The following PDE4B variants were observed in gnomAD, a reference collection of about 807,000 sequenced individuals.
The protein encoded by PDE4B is phosphodiesterase 4B, also known as 3',5'-cyclic-AMP phosphodiesterase 4B.
Under a neutral mutation model 82.2 loss-of-function variants are expected in PDE4B, and 20 were observed. The ratio of observed to expected loss-of-function variants is 0.24; its 90% CI spans 0.17 to 0.35. The LOEUF (loss-of-function observed/expected upper bound fraction) is 0.35, where lower values mean the gene tolerates loss of function less well. Among genes scored for constraint, PDE4B ranks in the 10% least tolerant of loss-of-function variants. The pLI is 1.00. For synonymous variants in PDE4B, 320 were observed against 318.9 expected, an observed-to-expected ratio of 1.00 and a Z score of -0.04; for missense variants, 655 against 907.2, an observed-to-expected ratio of 0.72 and a Z score of 3.57.
At chr1:65,818,023 T>G (rs1185637489) in intron 1 of PDE4B, among the ~76,000 whole-genome samples, 1 of 152,200 alleles carries the variant, frequency 6.6e-6, no homozygotes, top group Admixed American at 6.6e-5. Context: ...CTAAATTCAT[T>G]GCTCAGCTGT....
chr1:66,294,213 A>G (rs1657327962), intron 7 of PDE4B, among the ~76,000 whole-genome samples: 1 of 152,146 alleles, frequency 6.6e-6, no homozygotes, highest in African/African-American at 2.4e-5. Context: ...CTCAATTAAA[A>G]TTAAAAAAAA....
At chr1:66,175,337 C>G (rs971232384) in intron 3 of PDE4B, among the ~76,000 whole-genome samples, 1 of 152,124 alleles carries the variant, frequency 6.6e-6, no homozygotes. Flanking sequence ...CATTAGGTTA[C>G]AGTCCTATGT....
intron 3 of PDE4B, among the ~76,000 whole-genome samples, chr1:65,964,502 T>C (rs1451853332): frequency 6.6e-6 from 1 of 152,186 alleles, no homozygotes; most frequent in Non-Finnish European, 1.5e-5. Flanking sequence ...TGAAAATCAA[T>C]TCACCAGAAA....
chr1:65,837,340 C>A (rs1646151685), intron 1 of PDE4B, among the ~76,000 whole-genome samples: 1 of 152,106 alleles, frequency 6.6e-6, no homozygotes, highest in Non-Finnish European at 1.5e-5. Flanking sequence ...ACTTGTAATC[C>A]CAGCACTTTG....
At chr1:66,069,470 A>G (rs188428713) in intron 3 of PDE4B, among the ~76,000 whole-genome samples, 41 of 152,168 alleles carry the variant, frequency 2.7e-4, no homozygotes, top group Admixed American at 2.2e-3. Flanking sequence ...TCCATAGCAT[A>G]TGATTATACT....
chr1:65,837,269 T>G (rs1160593643), intron 1 of PDE4B, among the ~76,000 whole-genome samples: 1 of 152,138 alleles, frequency 6.6e-6, no homozygotes. Flanking sequence ...TGAAACAGTA[T>G]TTCTCAAGTC....
intron 3 of PDE4B, among the ~76,000 whole-genome samples, chr1:66,035,192 A>G (rs1357683954): frequency 6.6e-6 from 1 of 152,172 alleles, no homozygotes; most frequent in South Asian, 2.1e-4. Context: ...TTTTTAATTA[A>G]TTTTTTGACA....
chr1:66,363,494 G>A lies in PDE4B; in HGVS notation c.1207G>A (p.Val403Met), dbSNP rs767423235. The A allele has an allele frequency of 1.1e-5, 18 of 1,613,584 alleles. No homozygotes were observed. Among genetic ancestry groups the A allele is most frequent in the Admixed American group, 3.3e-5 (2 of 59,972 alleles). The change falls in exon 12 of 17, where the codon GTG becomes ATG. Residue 403 changes from valine to methionine, a missense_variant. Physicochemically the swap from Val to Met is conservative, Grantham distance 21 (BLOSUM62 1). Coordinates refer to ENST00000341517, the MANE Select transcript of PDE4B (RefSeq NM_002600.4). ...TTTAGAAGACCATTACCATTCTGACGTGGCATATCACAACAGCCTGCACGC... is the reference window on the plus strand; with the variant it reads ...TTTAGAAGACCATTACCATTCTGACATGGCATATCACAACAGCCTGCACGC... Reference protein sequence around the residue: ...MTLEDHYHSDVAYHNSLHAAD... With the variant: ...MTLEDHYHSDMAYHNSLHAAD...
At chr1:66,171,803 A>G (rs892397020) in intron 3 of PDE4B, among the ~76,000 whole-genome samples, 1 of 152,246 alleles carries the variant, frequency 6.6e-6, no homozygotes. Context: ...GCACATATGA[A>G]GCACTCAATA....
chr1:65,824,469 C>G (rs960691927), intron 1 of PDE4B, among the ~76,000 whole-genome samples: 1 of 151,804 alleles, frequency 6.6e-6, no homozygotes, highest in African/African-American at 2.4e-5. Context: ...GGCAATACTA[C>G]TTTTCATAAA....
At chr1:66,328,443 G>A (rs1399306561) in intron 7 of PDE4B, among the ~76,000 whole-genome samples, 3 of 152,212 alleles carry the variant, frequency 2.0e-5, no homozygotes, top group Non-Finnish European at 2.9e-5. Context: ...AAGAGACCCA[G>A]TTTCATGGGC....
At chr1:66,343,249 T>A (rs560633545) in intron 8 of PDE4B, among the ~76,000 whole-genome samples, 1 of 152,278 alleles carries the variant, frequency 6.6e-6, no homozygotes, top group Admixed American at 6.5e-5. Flanking sequence ...CTCTCTACCC[T>A]CAATGTCAGA....
At chr1:65,893,835 T>G (rs1277572136) in intron 1 of PDE4B, among the ~76,000 whole-genome samples, 1 of 152,124 alleles carries the variant, frequency 6.6e-6, no homozygotes, top group Non-Finnish European at 1.5e-5. Flanking sequence ...TGAAATAATG[T>G]GTTTTGCAGC....
intron 3 of PDE4B, among the ~76,000 whole-genome samples, chr1:66,035,610 T>G (rs998996112): frequency 1.3e-5 from 2 of 152,214 alleles, no homozygotes; most frequent in African/African-American, 4.8e-5. Context: ...CTTATTTCAC[T>G]TAACATAATG....
intron 3 of PDE4B, among the ~76,000 whole-genome samples, chr1:66,075,764 G>T (rs535627883): frequency 7.2e-5 from 11 of 152,020 alleles, no homozygotes; most frequent in Non-Finnish European, 1.5e-4. Context: ...CTGAACTTTG[G>T]CTCATGCTCA....
At chr1:65,872,641 A>G (rs1466868164) in intron 1 of PDE4B, among the ~76,000 whole-genome samples, 3 of 152,236 alleles carry the variant, frequency 2.0e-5, no homozygotes, top group Non-Finnish European at 2.9e-5. Flanking sequence ...ACAGAATGAC[A>G]GTGTTAATGG....
At chr1:66,209,259 A>C (rs1649820393) in intron 3 of PDE4B, among the ~76,000 whole-genome samples, 1 of 152,198 alleles carries the variant, frequency 6.6e-6, no homozygotes, top group Admixed American at 6.5e-5. Flanking sequence ...TCAGTTATTT[A>C]TTGAAACTAT....
intron 3 of PDE4B, among the ~76,000 whole-genome samples, chr1:66,161,553 G>A (rs1646613806): frequency 6.6e-6 from 1 of 152,070 alleles, no homozygotes; most frequent in African/African-American, 2.4e-5. Context: ...CTTACGAGAT[G>A]TTTTAATGCA....
In PDE4B at chr1:66,081,822, CTCTCTCTCTCTGTGTG is replaced by C. The variant is rs1214373659; in HGVS notation, c.281+162989_281+163004del. ...GAAAAGTAAAACTCTCTCTCTCTCTCTCTCTCTCTCTGTGTGTGTGTGTGTGTGTGTGTGTGTGTGT... is the reference window on the plus strand; with the variant it reads ...GAAAAGTAAAACTCTCTCTCTCTCTCTGTGTGTGTGTGTGTGTGTGTGTGT... On this transcript the variant is annotated intron_variant, in intron 3 of 16. Transcript: ENST00000341517. 1.6e-4 allele frequency among the ~76,000 whole-genome samples: 20 copies of C among 128,262 alleles called. No individual in the cohort carries two copies. In the East Asian group the frequency reaches 4.7e-3, roughly 30 times the overall value. The allele number at this position is 128,262 out of a possible 152,430, so 84.1% of individuals were successfully genotyped here.
Sources: allele counts gnomAD v4.1 joint callset (sites outside exome capture counted in the v4.1 genomes callset), GRCh38; gene constraint gnomAD v4.1.1; transcripts MANE v1.5; gene names NCBI Gene and HGNC (gene_info 2026-07-23, HGNC 2026-07-21).